Variants in RIMS2 observed in about 807,000 individuals in gnomAD.
RIMS2 encodes the protein regulating synaptic membrane exocytosis 2, also known as regulating synaptic membrane exocytosis protein 2.
RIMS2 carries 59 observed loss-of-function variants against 174.4 expected under a neutral mutation model. The ratio of observed to expected loss-of-function variants is 0.34; its 90% CI spans 0.27 to 0.42. RIMS2 has a LOEUF of 0.42. Among genes scored for constraint, RIMS2 ranks in the 10% least tolerant of loss-of-function variants. The pLI is 1.00. For synonymous variants in RIMS2, 606 were observed against 572.5 expected, an observed-to-expected ratio of 1.06 and a Z score of -0.84; for missense variants, 1,620 against 1,666.3, an observed-to-expected ratio of 0.97 and a Z score of 0.48.
At chr8:103,793,998 C>T (rs188771498) in intron 3 of RIMS2, among the ~76,000 whole-genome samples, 3 of 152,230 alleles carry the variant, frequency 2.0e-5, no homozygotes, top group Admixed American at 2.0e-4. Flanking sequence ...GTGAAAATGG[C>T]CATACTGCCC....
intron 1 of RIMS2, among the ~76,000 whole-genome samples, chr8:103,618,233 A>G (rs960564638): frequency 5.9e-5 from 9 of 152,150 alleles, no homozygotes; most frequent in African/African-American, 2.2e-4. Context: ...CAGAAAGCCA[A>G]ATACCACATA....
intron 1 of RIMS2, among the ~76,000 whole-genome samples, chr8:103,618,119 A>G (rs1420899782): frequency 2.0e-5 from 3 of 152,176 alleles, no homozygotes; most frequent in Non-Finnish European, 4.4e-5. Flanking sequence ...TAGATAAAGA[A>G]AATGTGGTAC....
At chr8:103,700,841 T>G (rs2097158874) in intron 2 of RIMS2, among the ~76,000 whole-genome samples, 2 of 152,076 alleles carry the variant, frequency 1.3e-5, no homozygotes, top group South Asian at 4.1e-4. Flanking sequence ...TTTAAATTAT[T>G]GTTGTCAACC....
intron 1 of RIMS2, 112 bp from the exon 2 acceptor site, chr8:103,652,087 ACTAAGT>A (rs2096461680): frequency 1.7e-5 from 6 of 358,790 alleles, no homozygotes; most frequent in Non-Finnish European, 3.1e-5. Context: ...ATGGCAAAGC[ACTAAGT>A]CTTTCTATAT....
At chr8:103,820,608 A>T (rs2098746090) in intron 3 of RIMS2, among the ~76,000 whole-genome samples, 1 of 151,962 alleles carries the variant, frequency 6.6e-6, no homozygotes, top group Admixed American at 6.6e-5. Context: ...AATGAAAAAA[A>T]GGCTTTTAAA....
At chr8:103,602,124 T>C (rs1169177883) in intron 1 of RIMS2, among the ~76,000 whole-genome samples, 1 of 152,282 alleles carries the variant, frequency 6.6e-6, no homozygotes, top group East Asian at 1.9e-4. Context: ...TAGCTGGGAC[T>C]ACAGGTGCAT....
Position 103,855,883 on chromosome 8 carries a change from T to C in RIMS2, c.699-29415T>C, listed in dbSNP as rs2099024874. 2.0e-5 allele frequency among the ~76,000 whole-genome samples: 3 copies of C among 152,088 alleles called. No homozygotes were observed. The South Asian group carries it at 6.2e-4, about 32-fold the overall frequency. On this transcript the variant is annotated intron_variant, in intron 3 of 23. Coordinates refer to ENST00000504942, the Ensembl canonical transcript of RIMS2. ...TGTCTATTAGGTCCAGTTGGTCAAGTGTCAAGTTTAAATCCAGAATTTGCT... is the reference window on the plus strand; with the variant it reads ...TGTCTATTAGGTCCAGTTGGTCAAGCGTCAAGTTTAAATCCAGAATTTGCT...
chr8:104,198,861 T>C (rs1339130829), intron 19 of RIMS2, among the ~76,000 whole-genome samples: 3 of 152,038 alleles, frequency 2.0e-5, no homozygotes, highest in African/African-American at 7.2e-5. Context: ...TGATATTAAA[T>C]CGATTAATAG....
chr8:104,150,251 T>G (rs1022757992), intron 19 of RIMS2, among the ~76,000 whole-genome samples: 1 of 152,222 alleles, frequency 6.6e-6, no homozygotes, highest in African/African-American at 2.4e-5. Context: ...TTAGTAAGAC[T>G]ACAAGTTAGA....
At chr8:103,605,936 C>G (rs2095052118) in intron 1 of RIMS2, among the ~76,000 whole-genome samples, 1 of 147,604 alleles carries the variant, frequency 6.8e-6, no homozygotes, top group Admixed American at 6.7e-5. Flanking sequence ...TTTTGTTGAT[C>G]CTTTCAAAAA....
chr8:103,710,022 A>G (rs545435226), intron 2 of RIMS2, among the ~76,000 whole-genome samples: 4 of 152,190 alleles, frequency 2.6e-5, no homozygotes, highest in African/African-American at 7.2e-5. Flanking sequence ...AAACTTGCCT[A>G]TATTCTAAAT....
chr8:103,681,271 T>G (rs1001668223), intron 1 of RIMS2, among the ~76,000 whole-genome samples: 2 of 152,084 alleles, frequency 1.3e-5, no homozygotes, highest in African/African-American at 4.8e-5. Flanking sequence ...ACAGCATCTA[T>G]TTACCTGTTA....
At chr8:104,247,336 C>T (rs897360075) in intron 20 of RIMS2, among the ~76,000 whole-genome samples, 1 of 152,142 alleles carries the variant, frequency 6.6e-6, no homozygotes, top group South Asian at 2.1e-4. Context: ...AGGCTCTTCT[C>T]CTTGGCTTGC....
intron 10 of RIMS2, among the ~76,000 whole-genome samples, chr8:103,925,494 G>A (rs2078597354): frequency 6.6e-6 from 1 of 151,324 alleles, no homozygotes; most frequent in Admixed American, 6.6e-5. Flanking sequence ...TGAAAGTATT[G>A]TATGAAAGGA....
rs71575985 is a variant in RIMS2, at chr8:103,812,331, G to GTTTTTTTTTTTTTTTTTTTTT, written c.698+45797_698+45817dup. ...GGTCAAATTATTACCTTATTACCTT[G>GTTTTTTTTTTTTTTTTTTTTT]TTTTTTTTTTTTTTTTTTTTTTTGT... is the stretch of plus-strand genomic sequence containing the variant. On this transcript the variant is annotated intron_variant, in intron 3 of 23. Transcript: ENST00000504942. Among the ~76,000 whole-genome samples the GTTTTTTTTTTTTTTTTTTTTT allele has an allele frequency of 2.8e-4, 31 of 111,638 alleles. 1 individual carries two copies. The highest frequency in any genetic ancestry group is 5.7e-4 in the Admixed American group (5 of 8,784). The allele number at this position is 111,638 out of a possible 152,430, so 73.2% of individuals were successfully genotyped here.
chr8:103,595,555 G>A (rs2094449837), intron 1 of RIMS2, among the ~76,000 whole-genome samples: 1 of 151,940 alleles, frequency 6.6e-6, no homozygotes, highest in Non-Finnish European at 1.5e-5. Flanking sequence ...GAAGTAAGAA[G>A]AGAAGTGTTG....
intron 2 of RIMS2, among the ~76,000 whole-genome samples, chr8:103,702,920 A>G (rs1391569040): frequency 7.8e-6 from 1 of 128,384 alleles, no homozygotes; most frequent in Non-Finnish European, 1.6e-5. Flanking sequence ...TTTTGGTTGC[A>G]TTAGAATTTT....
chr8:104,104,058 C>T (rs1028337402), intron 19 of RIMS2, among the ~76,000 whole-genome samples: 2 of 152,174 alleles, frequency 1.3e-5, no homozygotes, highest in East Asian at 3.9e-4. Flanking sequence ...GCTGGATAAA[C>T]TGGCTTGAAA....
intron 1 of RIMS2, among the ~76,000 whole-genome samples, chr8:103,574,926 A>G (rs895887185): frequency 1.8e-4 from 27 of 152,224 alleles, no homozygotes; most frequent in Non-Finnish European, 3.1e-4. Context: ...CCATATTACA[A>G]TGAATGCCTG....
Sources: gnomAD v4.1 joint callset for allele counts (sites outside exome capture counted in the v4.1 genomes callset) on GRCh38, gnomAD v4.1.1 for gene constraint, MANE v1.5 for transcripts, NCBI Gene and HGNC (gene_info 2026-07-23, HGNC 2026-07-21) for gene names.